Variants in ADAM29 observed in about 807,000 individuals in gnomAD.
The protein encoded by ADAM29 is ADAM metallopeptidase domain 29, also known as disintegrin and metalloproteinase domain-containing protein 29.
For missense variants in ADAM29, 969 were observed against 1,001.8 expected (o/e 0.97, Z 0.44); for synonymous variants, 367 against 342.3 (o/e 1.07, Z -0.80).
intron 4 of ADAM29, among the ~76,000 whole-genome samples, chr4:174,974,528 T>C (rs1190318365): frequency 6.6e-6 from 1 of 152,180 alleles, no homozygotes; most frequent in Non-Finnish European, 1.5e-5. Context: ...GAACGAAGGA[T>C]AAGGAAAAAC....
At position 174,922,306 on chromosome 4, in the gene ADAM29, G is replaced by A. The variant is rs188000454; in HGVS notation, c.-451+1514G>A. 2.3e-3 allele frequency among the ~76,000 whole-genome samples: 344 copies of A among 152,264 alleles called. 2 individuals carry two copies. The highest frequency in any genetic ancestry group is 8.0e-3 in the African/African-American group (332 of 41,560). Reference sequence around the variant, plus strand: ...ACTCTTTCAACAAGAGAAAAAAGCTGAGCAAACTGAAATCAATGAATTTTA... The same window carrying A: ...ACTCTTTCAACAAGAGAAAAAAGCTAAGCAAACTGAAATCAATGAATTTTA... On this transcript the variant is annotated intron_variant, in intron 2 of 4. Transcript: ENST00000359240.
intron 4 of ADAM29, among the ~76,000 whole-genome samples, chr4:174,950,927 A>G (rs1284827144): frequency 6.6e-6 from 1 of 152,014 alleles, no homozygotes; most frequent in East Asian, 1.9e-4. Flanking sequence ...CCATGGTAAA[A>G]CATGCTTGCT....
intron 2 of ADAM29, among the ~76,000 whole-genome samples, chr4:174,923,560 TACAC>T (rs1743307036): frequency 1.7e-5 from 2 of 115,882 alleles, no homozygotes; most frequent in Non-Finnish European, 3.4e-5. Flanking sequence ...TATATATATA[TACAC>T]ACACACATAT....
intron 4 of ADAM29, among the ~76,000 whole-genome samples, chr4:174,946,461 C>T (rs75896977): frequency 0.014 from 2,137 of 152,090 alleles, 51 homozygotes; most frequent in African/African-American, 0.049. Flanking sequence ...ATTTCACTTC[C>T]TTTTTCCTAT....
In ADAM29 at chr4:174,977,854, A is replaced by T. The variant is rs745901076; in HGVS notation, c.2329A>T (p.Ser777Cys). Reference protein sequence around the residue: ...QSQPRVMPSQSQPPVMPSQSH... With the variant: ...QSQPRVMPSQCQPPVMPSQSH... ...TCAACCTCGGGTGATGCCTTCTCAG[A>T]GTCAACCTCCTGTGATGCCTTCCCA... Residue 777 changes from serine to cysteine, a missense_variant, in exon 5 of 5, where the codon AGT becomes TGT. By Grantham distance (112) the Ser-to-Cys change is moderately radical (BLOSUM62 -1). Coordinates refer to ENST00000359240, the MANE Select transcript of ADAM29 (RefSeq NM_014269.4). The T allele has an allele frequency of 5.0e-6, 8 of 1,587,138 alleles. No homozygotes were observed. The highest frequency in any genetic ancestry group is 6.9e-6 in the Non-Finnish European group (8 of 1,165,656).
At position 174,937,416 on chromosome 4, in the gene ADAM29, TAA is replaced by T. The variant is rs1286355955; in HGVS notation, c.-181+404_-181+405del. Among the ~76,000 whole-genome samples the T allele has an allele frequency of 5.9e-5, 9 of 152,096 alleles. No homozygotes were observed. The South Asian group carries it at 1.9e-3, about 31-fold the overall frequency. On this transcript the variant is annotated intron_variant, in intron 4 of 4. Coordinates refer to ENST00000359240, the MANE Select transcript of ADAM29 (RefSeq NM_014269.4). ...TCTAAAGATTCTTACTGTTGAATCC[TAA>T]GTTATTTTACTCTTTTTCAGTTGTC...
At chr4:174,934,897 C>T (rs1375440257) in intron 3 of ADAM29, among the ~76,000 whole-genome samples, 1 of 152,130 alleles carries the variant, frequency 6.6e-6, no homozygotes, top group East Asian at 1.9e-4. Context: ...ATAAACAATT[C>T]TCTAGTCCCT....
At position 174,974,483 on chromosome 4, in the gene ADAM29, C is replaced by G. The variant is rs142327589; in HGVS notation, c.-180-863C>G. Among the ~76,000 whole-genome samples the G allele has an allele frequency of 7.0e-3, 1,064 of 152,174 alleles. 12 individuals carry two copies. Among genetic ancestry groups the G allele is most frequent in the African/African-American group, 0.024 (980 of 41,504 alleles). On this transcript the variant is annotated intron_variant, in intron 4 of 4. Transcript: ENST00000359240. ...GTTTTCAGAGTCTTTTTGTTGTTGT[C>G]CATTGACTTGTTTCAGAGTATTAAA...
At chr4:174,957,812 A>G (rs916152861) in intron 4 of ADAM29, among the ~76,000 whole-genome samples, 1 of 151,806 alleles carries the variant, frequency 6.6e-6, no homozygotes, top group Non-Finnish European at 1.5e-5. Context: ...ATTTAAATTG[A>G]CCTGAATTTA....
At chr4:174,973,759 G>A (rs1746596969) in intron 4 of ADAM29, among the ~76,000 whole-genome samples, 1 of 152,132 alleles carries the variant, frequency 6.6e-6, no homozygotes, top group Non-Finnish European at 1.5e-5. Flanking sequence ...GGTGCCATCT[G>A]GGGCAGAAGG....
intron 4 of ADAM29, among the ~76,000 whole-genome samples, chr4:174,969,695 T>C (rs893815671): frequency 1.3e-5 from 2 of 152,078 alleles, no homozygotes; most frequent in Non-Finnish European, 2.9e-5. Context: ...CTTTTACATT[T>C]CAAAATAAAC....
chr4:174,929,856 A>G (rs1743755422), intron 2 of ADAM29, among the ~76,000 whole-genome samples: 1 of 151,204 alleles, frequency 6.6e-6, no homozygotes, highest in South Asian at 2.1e-4. Flanking sequence ...TCCTGGGTTC[A>G]AGCGATTCTT....
chr4:174,938,786 A>C (rs1744344582), intron 4 of ADAM29, among the ~76,000 whole-genome samples: 1 of 152,128 alleles, frequency 6.6e-6, no homozygotes, highest in South Asian at 2.1e-4. Context: ...AAACAACAGA[A>C]TTTCATTCTC....
chr4:174,933,477 T>TA lies in ADAM29; in HGVS notation c.-262+2313dup, dbSNP rs375186015. Among the ~76,000 whole-genome samples the TA allele has an allele frequency of 5.0e-3, 747 of 149,742 alleles. 6 individuals are homozygous for TA. The highest frequency in any genetic ancestry group is 0.014 in the Middle Eastern group (4 of 292). ...AGTTACATGCCTACCAAGCTCTATT[T>TA]AAAAAAAAAACTTTTAGGTTCAGGG... On this transcript the variant is annotated intron_variant, in intron 3 of 4. Coordinates refer to ENST00000359240, the MANE Select transcript of ADAM29 (RefSeq NM_014269.4).
intron 4 of ADAM29, among the ~76,000 whole-genome samples, chr4:174,973,953 G>A (rs1245850104): frequency 1.3e-5 from 2 of 152,238 alleles, no homozygotes; most frequent in Non-Finnish European, 2.9e-5. Flanking sequence ...CAGCAGGGTT[G>A]TATCAGCTAG....
At chr4:174,962,127 T>G (rs1417287715) in intron 4 of ADAM29, among the ~76,000 whole-genome samples, 2 of 152,178 alleles carry the variant, frequency 1.3e-5, no homozygotes, top group South Asian at 2.1e-4. Context: ...TGCATAAACT[T>G]TTAAAGTAAA....
intron 2 of ADAM29, among the ~76,000 whole-genome samples, chr4:174,925,788 T>C (rs1743483923): frequency 6.6e-6 from 1 of 152,170 alleles, no homozygotes; most frequent in South Asian, 2.1e-4. Context: ...GAAGATAAAA[T>C]GCTAGATGAA....
intron 1 of ADAM29, chr4:174,918,831 C>T (rs894111527): frequency 6.6e-6 from 1 of 152,002 alleles, no homozygotes; most frequent in African/African-American, 2.4e-5. Flanking sequence ...ATAATGATCT[C>T]CCACTTCTCT....
chr4:174,934,760 T>C (rs1053338202), intron 3 of ADAM29, among the ~76,000 whole-genome samples: 25 of 152,162 alleles, frequency 1.6e-4, no homozygotes, highest in African/African-American at 6.0e-4. Flanking sequence ...CTGTTGTAGT[T>C]AACTTTTCAG....
Sources: gnomAD v4.1 joint callset for allele counts (sites outside exome capture counted in the v4.1 genomes callset) on GRCh38, gnomAD v4.1.1 for gene constraint, MANE v1.5 for transcripts, NCBI Gene and HGNC (gene_info 2026-07-23, HGNC 2026-07-21) for gene names.